The following AGBL4 variants were observed in gnomAD, a reference collection of about 807,000 sequenced individuals.
AGBL4 encodes the protein cytosolic carboxypeptidase 6.
AGBL4 carries 58 observed loss-of-function variants against 66.4 expected under a neutral mutation model. The observed-to-expected ratio is 0.87, with a 90% CI of 0.71 to 1.09. The LOEUF (loss-of-function observed/expected upper bound fraction) is 1.09. Among genes scored for constraint, AGBL4 ranks in the 50% least tolerant of loss-of-function variants. The pLI, the probability that AGBL4 is intolerant of heterozygous loss-of-function variation, is 0.00. For synonymous variants in AGBL4, 234 were observed against 222.9 expected (o/e 1.05, Z -0.44); for missense variants, 579 against 631.0 (o/e 0.92, Z 0.88).
Position 49,371,248 on chromosome 1 carries a change from G to GATAGATAGATAGATAC in AGBL4, c.283-125385_283-125384insGTATCTATCTATCTAT, listed in dbSNP as rs1220363831. On this transcript the variant is annotated intron_variant, in intron 3 of 13. Transcript: ENST00000371839. ...AGATATATAGATAGATAGATAGATAGATACATACATACATACATACATACA... is the reference window on the plus strand; with the variant it reads ...AGATATATAGATAGATAGATAGATAGATAGATAGATAGATACATACATACATACATACATACATACA... Among the ~76,000 whole-genome samples, 11 of 137,974 alleles carry GATAGATAGATAGATAC rather than the reference G, an allele frequency of 8.0e-5. No individual in the cohort carries two copies. The South Asian group carries it at 9.3e-4, about 12-fold the overall frequency. The allele number at this position is 137,974 out of a possible 152,430, so 90.5% of individuals were successfully genotyped here.
intron 5 of AGBL4, among the ~76,000 whole-genome samples, chr1:49,002,279 C>A (rs1345358873): frequency 6.6e-6 from 1 of 152,164 alleles, no homozygotes; most frequent in Non-Finnish European, 1.5e-5. Flanking sequence ...CCTAGGATGA[C>A]TAACATGGGC....
intron 6 of AGBL4, among the ~76,000 whole-genome samples, chr1:48,864,296 T>C (rs1647780405): frequency 6.6e-6 from 1 of 152,188 alleles, no homozygotes; most frequent in Admixed American, 6.5e-5. Context: ...ATTTCAAGTG[T>C]TAAGGCTGCA....
intron 4 of AGBL4, among the ~76,000 whole-genome samples, chr1:49,117,648 T>C (rs1382189823): frequency 6.6e-6 from 1 of 152,210 alleles, no homozygotes; most frequent in Non-Finnish European, 1.5e-5. Context: ...TGAAGTCAAG[T>C]AGCGTGATGC....
At chr1:49,370,004 G>A (rs759270297) in intron 3 of AGBL4, among the ~76,000 whole-genome samples, 8 of 150,546 alleles carry the variant, frequency 5.3e-5, no homozygotes, top group Non-Finnish European at 8.9e-5. Flanking sequence ...ACTGCACATC[G>A]GCTTTCCTGG....
chr1:48,599,773 C>G (rs1014164580), intron 9 of AGBL4, among the ~76,000 whole-genome samples: 2 of 152,132 alleles, frequency 1.3e-5, no homozygotes, highest in Admixed American at 1.3e-4. Flanking sequence ...AGGCTCTTCA[C>G]AGTTTGAAAT....
chr1:49,536,327 C>A (rs953058443), intron 3 of AGBL4, among the ~76,000 whole-genome samples: 1 of 152,114 alleles, frequency 6.6e-6, no homozygotes, highest in Non-Finnish European at 1.5e-5. Context: ...ATAGTAGACA[C>A]ATCACAGCAA....
intron 5 of AGBL4, among the ~76,000 whole-genome samples, chr1:48,903,157 A>G (rs1652251937): frequency 6.6e-6 from 1 of 152,148 alleles, no homozygotes; most frequent in Non-Finnish European, 1.5e-5. Flanking sequence ...TCTAATTGGA[A>G]TTTGTCTGCA....
At chr1:49,538,508 A>G (rs1255062132) in intron 3 of AGBL4, among the ~76,000 whole-genome samples, 2 of 152,334 alleles carry the variant, frequency 1.3e-5, no homozygotes, top group East Asian at 1.9e-4. Flanking sequence ...AACAAAATAC[A>G]ATTATTTTAA....
chr1:49,544,544 AT>A (rs1652326710), intron 3 of AGBL4, among the ~76,000 whole-genome samples: 1 of 152,214 alleles, frequency 6.6e-6, no homozygotes, highest in Admixed American at 6.5e-5. Context: ...TCCAATAAAT[AT>A]TTATCAAGCA....
intron 3 of AGBL4, among the ~76,000 whole-genome samples, chr1:49,568,856 C>T (rs968748395): frequency 6.6e-6 from 1 of 152,100 alleles, no homozygotes; most frequent in Non-Finnish European, 1.5e-5. Flanking sequence ...GGCCACACAC[C>T]TACAACCATC....
chr1:48,533,311 T>G lies in AGBL4; in HGVS notation c.*862A>C, dbSNP rs1211416834. On this transcript the variant is annotated 3_prime_UTR_variant, in exon 14 of 14. Transcript: ENST00000371839. ...CTTGCCACACCTTGGGAATTGCTAC[T>G]ACTGTTTTATTTTATCATTCCTCCC... The G allele has an allele frequency of 6.6e-6, 1 of 152,216 alleles. No homozygotes were observed. The highest frequency in any genetic ancestry group is 1.5e-5 in the Non-Finnish European group (1 of 68,064). 9.4% of individuals were successfully genotyped at this position (152,216 alleles called of 1,614,324 possible).
chr1:49,305,543 G>A lies in AGBL4; in HGVS notation c.283-59679C>T, dbSNP rs1170571407. ...TTTGTTGAAAAAAATCCATATATAAGTGTACATATGCAGTGTGAACCTATG... is the reference window on the plus strand; with the variant it reads ...TTTGTTGAAAAAAATCCATATATAAATGTACATATGCAGTGTGAACCTATG... On this transcript the variant is annotated intron_variant, in intron 3 of 13. Transcript: ENST00000371839. 2.0e-5 allele frequency among the ~76,000 whole-genome samples: 3 copies of A among 152,164 alleles called. No individual in the cohort carries two copies. In the East Asian group the frequency reaches 5.8e-4, roughly 29 times the overall value.
intron 1 of AGBL4, among the ~76,000 whole-genome samples, chr1:49,859,403 T>C (rs1419745448): frequency 1.3e-5 from 2 of 152,164 alleles, no homozygotes; most frequent in Non-Finnish European, 2.9e-5. Flanking sequence ...ACAATTTATC[T>C]TGGGTGTGCA....
intron 1 of AGBL4, among the ~76,000 whole-genome samples, chr1:49,954,943 A>G (rs912664017): frequency 1.3e-5 from 2 of 151,932 alleles, no homozygotes; most frequent in African/African-American, 4.8e-5. Flanking sequence ...CCATATTCAA[A>G]CTAATATTAT....
chr1:49,687,857 T>A (rs1296561481), intron 3 of AGBL4, among the ~76,000 whole-genome samples: 1 of 152,102 alleles, frequency 6.6e-6, no homozygotes, highest in Non-Finnish European at 1.5e-5. Flanking sequence ...ATAAAGTACA[T>A]ACGCAAATTC....
At chr1:49,873,836 A>C (rs1303492950) in intron 1 of AGBL4, among the ~76,000 whole-genome samples, 1 of 152,166 alleles carries the variant, frequency 6.6e-6, no homozygotes, top group Non-Finnish European at 1.5e-5. Context: ...TGATTGAGAA[A>C]AAAACAAAAC....
At chr1:48,749,802 C>A (rs1651378338) in intron 6 of AGBL4, among the ~76,000 whole-genome samples, 1 of 152,186 alleles carries the variant, frequency 6.6e-6, no homozygotes, top group Non-Finnish European at 1.5e-5. Context: ...ACTATCTGTG[C>A]CCAGAGAGTA....
At chr1:50,004,155 A>T (rs1381882310) in intron 1 of AGBL4, among the ~76,000 whole-genome samples, 2 of 152,190 alleles carry the variant, frequency 1.3e-5, no homozygotes, top group Non-Finnish European at 2.9e-5. Context: ...TGATTGTGGG[A>T]CTTTTCATTG....
intron 1 of AGBL4, among the ~76,000 whole-genome samples, chr1:49,986,448 A>C (rs1325042082): frequency 6.6e-6 from 1 of 152,086 alleles, no homozygotes; most frequent in African/African-American, 2.4e-5. Flanking sequence ...ACTTCCACCT[A>C]TTATTTAAAA....
Sources: gnomAD v4.1 joint callset for allele counts (sites outside exome capture counted in the v4.1 genomes callset) on GRCh38, gnomAD v4.1.1 for gene constraint, MANE v1.5 for transcripts, NCBI Gene and HGNC (gene_info 2026-07-23, HGNC 2026-07-21) for gene names.